Variants in THAP6 observed in about 807,000 individuals in gnomAD.
THAP6 encodes THAP domain containing 6, also known as THAP domain-containing protein 6.
In THAP6, 13 loss-of-function variants were observed where a neutral mutation model predicts 20.0. That is an observed-to-expected ratio of 0.65 (90% CI 0.42 to 1.03). The LOEUF (loss-of-function observed/expected upper bound fraction) is 1.03, where lower values mean the gene tolerates loss of function less well. Ranked by LOEUF, THAP6 falls within the 50% of genes least tolerant of loss-of-function variation. The probability of loss-of-function intolerance (pLI) is 0.00; values close to 1 mark genes in which losing one functional copy is unlikely to be tolerated. For synonymous variants in THAP6, 93 were observed against 92.2 expected, an observed-to-expected ratio of 1.01 and a Z score of -0.05; for missense variants, 262 against 261.6, an observed-to-expected ratio of 1.00 and a Z score of -0.01.
intron 2 of THAP6, chr4:75,540,023 CATT>C (rs1284453698): frequency 1.3e-6 from 2 of 1,498,952 alleles, no homozygotes; most frequent in Non-Finnish European, 1.8e-6. Flanking sequence ...AGGCAAGGAA[CATT>C]GTATCACTGA....
At chr4:75,539,796 G>A in intron 2 of THAP6, 2 of 1,533,410 alleles carry the variant, frequency 1.3e-6, no homozygotes, top group Non-Finnish European at 1.7e-6. Flanking sequence ...ATAAAACGTA[G>A]ACCATACAAT....
At chr4:75,539,748 C>T (rs907017008) in intron 2 of THAP6, 3 of 1,463,600 alleles carry the variant, frequency 2.0e-6, no homozygotes, top group Non-Finnish European at 2.7e-6. Context: ...GACAATAGCA[C>T]CTTACCCATT....
downstream of THAP6, among the ~76,000 whole-genome samples, chr4:75,532,530 T>C (rs1726713038): frequency 6.6e-6 from 1 of 152,204 alleles, no homozygotes; most frequent in African/African-American, 2.4e-5. Flanking sequence ...ACAGCTCCAC[T>C]AGGCAGTGCC....
At position 75,516,874 on chromosome 4, in the gene THAP6, G is replaced by A. The variant is rs775696103; in HGVS notation, c.183G>A (p.Leu61=). 6 of 1,614,092 alleles carry A rather than the reference G, an allele frequency of 3.7e-6. No homozygotes were observed. The Admixed American group carries it at 1.0e-4, about 27-fold the overall frequency. Residue 61 remains leucine (L), a synonymous_variant, in exon 3 of 5, where the codon TTG becomes TTA. Transcript: ENST00000311638. ...GGGAGCCTAAAAAAGGAGATGTGTT[G>A]TGTTCGAGGCACTTTAAGAAGACAG... ...GIWEPKKGDV[L]CSRHFKKTDF...
intron 2 of THAP6, 22 bp from the exon 3 acceptor site, chr4:75,516,750 A>AT (rs1411612203): frequency 6.3e-7 from 1 of 1,597,004 alleles, no homozygotes; most frequent in Non-Finnish European, 8.6e-7. Context: ...ATTTTAAAAT[A>AT]TTTTTTGTAT....
intron 1 of THAP6, 163 bp downstream of exon 1, chr4:75,514,683 C>G (rs1476042248): frequency 5.9e-6 from 1 of 169,448 alleles, no homozygotes; most frequent in Admixed American, 6.1e-5. Flanking sequence ...TCCTCCCTCT[C>G]TCCCTCCGGT....
At chr4:75,544,360 G>A (rs1727079252) in intron 3 of THAP6, 2 of 151,976 alleles carry the variant, frequency 1.3e-5, no homozygotes, top group Admixed American at 1.3e-4. Context: ...CCAGGCTGGA[G>A]TGCAGTGGCG....
downstream of THAP6, among the ~76,000 whole-genome samples, chr4:75,534,909 G>A (rs777376223): frequency 2.6e-5 from 4 of 152,256 alleles, no homozygotes; most frequent in South Asian, 4.1e-4. Flanking sequence ...GTCAGGAAAC[G>A]ACAGGTGCTG....
intron 2 of THAP6, among the ~76,000 whole-genome samples, chr4:75,539,214 C>A (rs1057030955): frequency 6.6e-6 from 1 of 152,180 alleles, no homozygotes; most frequent in African/African-American, 2.4e-5. Context: ...CTTTATTGGA[C>A]AACACACATG....
chr4:75,540,937 G>A (rs1032878170), intron 2 of THAP6, among the ~76,000 whole-genome samples: 3 of 152,046 alleles, frequency 2.0e-5, no homozygotes, highest in African/African-American at 7.2e-5. Flanking sequence ...TTATTGAGAT[G>A]TACAATTCAA....
rs1726514551 is a variant in THAP6, at chr4:75,528,493, A to C, written c.*1279A>C. On this transcript the variant is annotated 3_prime_UTR_variant, in exon 5 of 5. Coordinates refer to ENST00000311638, the MANE Select transcript of THAP6 (RefSeq NM_144721.6). ...TGAGTATCAGCCATTTCATTGTAGT[A>C]ACAAAAATTGAATTGCATTTTGTGC... 1 of 985,258 alleles carries C rather than the reference A, an allele frequency of 1.0e-6. No homozygotes were observed. Among genetic ancestry groups the C allele is most frequent in the Non-Finnish European group, 1.2e-6 (1 of 829,878 alleles). 61.0% of individuals were successfully genotyped at this position (985,258 alleles called of 1,614,324 possible). A position where few individuals can be genotyped will look rare whatever the true frequency, so the allele number is the denominator to read the frequency against.
intron 3 of THAP6, among the ~76,000 whole-genome samples, chr4:75,545,489 A>G (rs143810590): frequency 2.6e-5 from 4 of 152,318 alleles, no homozygotes; most frequent in African/African-American, 9.6e-5. Flanking sequence ...CAAGCCTTGC[A>G]GGAAGTCATC....
At chr4:75,515,596 T>C (rs1383919887) in intron 2 of THAP6, 64 bp downstream of exon 2, 14 of 1,522,602 alleles carry the variant, frequency 9.2e-6, no homozygotes, top group Non-Finnish European at 1.2e-5. Context: ...AAGACAGTTC[T>C]ACTTAAGTCT....
At chr4:75,544,945 ATCAAGAAT>A (rs1302099023) in intron 3 of THAP6, among the ~76,000 whole-genome samples, 1 of 152,208 alleles carries the variant, frequency 6.6e-6, no homozygotes, top group Admixed American at 6.5e-5. Context: ...AGAAATTAAA[ATCAAGAAT>A]TCTGGAGCCA....
rs1211485582 is a variant in THAP6 at position 75,529,802 on chromosome 4, C to T, written c.*2588C>T. 3 of 985,248 alleles carry T rather than the reference C, an allele frequency of 3.0e-6. No homozygotes were observed. The highest frequency in any genetic ancestry group is 3.6e-6 in the Non-Finnish European group (3 of 829,924). 61.0% of individuals were successfully genotyped at this position (985,248 alleles called of 1,614,324 possible). On this transcript the variant is annotated 3_prime_UTR_variant, in exon 5 of 5. Coordinates refer to ENST00000311638, the MANE Select transcript of THAP6 (RefSeq NM_144721.6). ...CCTCAGCACCAAGTCAGGTACGAAGCGCTTGATACGTGGAATTTTTCTCTA... is the reference window on the plus strand; with the variant it reads ...CCTCAGCACCAAGTCAGGTACGAAGTGCTTGATACGTGGAATTTTTCTCTA...
At chr4:75,531,341 G>A (rs978111715), downstream of THAP6, among the ~76,000 whole-genome samples, 2 of 152,192 alleles carry the variant, frequency 1.3e-5, no homozygotes, top group Non-Finnish European at 2.9e-5. Flanking sequence ...AATGTGTCCT[G>A]TGTGATTACA....
chr4:75,542,328 A>G, intron 2 of THAP6: 1 of 659,366 alleles, frequency 1.5e-6, no homozygotes. Context: ...GAGTACTGAT[A>G]TCTGGGAAGT....
At chr4:75,546,967 A>G (rs980304618) in intron 3 of THAP6, among the ~76,000 whole-genome samples, 1 of 152,242 alleles carries the variant, frequency 6.6e-6, no homozygotes, top group East Asian at 1.9e-4. Flanking sequence ...CAAATTAATC[A>G]TTGCAGGGTG....
upstream of THAP6, chr4:75,514,385 C>G (rs1725340148): frequency 7.5e-7 from 1 of 1,333,618 alleles, no homozygotes; most frequent in African/African-American, 1.5e-5. Context: ...CCAGCCCCAG[C>G]GGCCACTAGC....
Sources: allele counts gnomAD v4.1 joint callset (sites outside exome capture counted in the v4.1 genomes callset), GRCh38; gene constraint gnomAD v4.1.1; transcripts MANE v1.5; gene names NCBI Gene and HGNC (gene_info 2026-07-23, HGNC 2026-07-21).